Variants in SRPK2 observed in about 807,000 individuals in gnomAD.
The protein encoded by SRPK2 is SRSF protein kinase 2, also known as SFRS protein kinase 2.
In SRPK2, 21 loss-of-function variants were observed where a neutral mutation model predicts 90.8. The ratio of observed to expected loss-of-function variants is 0.23; its 90% CI spans 0.16 to 0.33. The LOEUF (loss-of-function observed/expected upper bound fraction) is 0.33. Among genes scored for constraint, SRPK2 ranks in the 10% least tolerant of loss-of-function variants. SRPK2 has a pLI of 1.00. For synonymous variants in SRPK2, 288 were observed against 311.1 expected, an observed-to-expected ratio of 0.93 and a Z score of 0.78; for missense variants, 620 against 869.0, an observed-to-expected ratio of 0.71 and a Z score of 3.60.
chr7:105,218,903 G>GA (rs144923730), intron 2 of SRPK2, among the ~76,000 whole-genome samples: 61,574 of 150,630 alleles, frequency 0.41, 14,384 homozygotes, highest in Non-Finnish European at 0.52. Flanking sequence ...ACAAATAAAA[G>GA]AAAAAAAATC....
intron 2 of SRPK2, among the ~76,000 whole-genome samples, chr7:105,371,234 T>A (rs1325694172): frequency 2.7e-5 from 4 of 149,410 alleles, no homozygotes; most frequent in Non-Finnish European, 4.4e-5. Flanking sequence ...CAAAACCCCA[T>A]CTCTACGAAA....
intron 3 of SRPK2, among the ~76,000 whole-genome samples, chr7:105,170,955 GAA>G (rs746961146): frequency 1.1e-4 from 4 of 35,434 alleles, no homozygotes; most frequent in Non-Finnish European, 2.3e-4. Flanking sequence ...AAGAAAGAAA[GAA>G]AGAAAGAAAG....
intron 2 of SRPK2, among the ~76,000 whole-genome samples, chr7:105,334,169 T>C (rs1814780508): frequency 6.6e-6 from 1 of 152,080 alleles, no homozygotes; most frequent in Non-Finnish European, 1.5e-5. Context: ...ATAACCTCCA[T>C]CTACTGGGTT....
At chr7:105,245,913 G>A (rs1801596936) in intron 2 of SRPK2, among the ~76,000 whole-genome samples, 2 of 152,106 alleles carry the variant, frequency 1.3e-5, no homozygotes, top group African/African-American at 4.8e-5. Flanking sequence ...AAATAGCAGA[G>A]TGACAAAATG....
At chr7:105,361,230 A>T (rs1266862094) in intron 2 of SRPK2, among the ~76,000 whole-genome samples, 3 of 152,154 alleles carry the variant, frequency 2.0e-5, no homozygotes, top group Non-Finnish European at 4.4e-5. Flanking sequence ...CACAATTGCT[A>T]CAAAGAGAAT....
chr7:105,178,242 G>A (rs983918784), intron 3 of SRPK2, among the ~76,000 whole-genome samples: 4 of 151,870 alleles, frequency 2.6e-5, no homozygotes, highest in African/African-American at 9.7e-5. Context: ...TATAAAAAAA[G>A]CATCAAGACT....
chr7:105,266,328 T>C (rs920958385), intron 2 of SRPK2, among the ~76,000 whole-genome samples: 1 of 152,168 alleles, frequency 6.6e-6, no homozygotes, highest in African/African-American at 2.4e-5. Flanking sequence ...GCAATTCTTT[T>C]AAAAGGATAA....
intron 11 of SRPK2, among the ~76,000 whole-genome samples, chr7:105,138,436 T>C (rs917351557): frequency 6.6e-6 from 1 of 152,160 alleles, no homozygotes; most frequent in African/African-American, 2.4e-5. Flanking sequence ...TTGGATCATA[T>C]CCTAGATCAG....
At chr7:105,312,752 T>C (rs1034286383) in intron 2 of SRPK2, among the ~76,000 whole-genome samples, 6 of 152,340 alleles carry the variant, frequency 3.9e-5, no homozygotes, top group Admixed American at 3.9e-4. Context: ...GCATGCATCC[T>C]GACTTTCCCT....
intron 2 of SRPK2, among the ~76,000 whole-genome samples, chr7:105,252,736 C>CTTTTTT (rs796434008): frequency 2.4e-5 from 3 of 126,804 alleles, no homozygotes; most frequent in Non-Finnish European, 1.6e-5. Context: ...TCTTTCTTTT[C>CTTTTTT]TTTTTTTTTT....
At chr7:105,283,461 A>T (rs1172471767) in intron 2 of SRPK2, among the ~76,000 whole-genome samples, 2 of 152,236 alleles carry the variant, frequency 1.3e-5, no homozygotes, top group East Asian at 3.8e-4. Context: ...GTACTAATAC[A>T]TGCTACCGTA....
At chr7:105,281,552 T>A (rs1172836764) in intron 2 of SRPK2, among the ~76,000 whole-genome samples, 3 of 152,066 alleles carry the variant, frequency 2.0e-5, no homozygotes, top group Admixed American at 1.3e-4. Flanking sequence ...ACGTGGAGAC[T>A]GAGGCAGGAG....
In SRPK2 at chr7:105,170,859, GAAA is replaced by G. The variant is rs1790823744; in HGVS notation, c.230-1597_230-1595del. Among the ~76,000 whole-genome samples the G allele has an allele frequency of 1.3e-3, 73 of 55,736 alleles. 2 individuals are homozygous for G. The highest frequency in any genetic ancestry group is 3.6e-3 in the African/African-American group (65 of 18,006). The allele number at this position is 55,736 out of a possible 152,430, so 36.6% of individuals were successfully genotyped here. On this transcript the variant is annotated intron_variant, in intron 3 of 15. Transcript: ENST00000393651. ...AGGAAGAAAGAAAGAAAGAAAGAAA[GAAA>G]GAAAGAAAGAAAGAAAGAAAGAAAG...
At chr7:105,118,090 C>T (rs1799815452) in intron 15 of SRPK2, 68 bp from the exon 16 acceptor site, 22 of 1,563,542 alleles carry the variant, frequency 1.4e-5, no homozygotes, top group Non-Finnish European at 1.9e-5. Context: ...TTGGTCCAGT[C>T]AGGTTCTTTT....
intron 2 of SRPK2, among the ~76,000 whole-genome samples, chr7:105,254,146 T>C (rs990819372): frequency 5.3e-5 from 8 of 152,236 alleles, no homozygotes; most frequent in Non-Finnish European, 8.8e-5. Flanking sequence ...TTTTACCTCG[T>C]TACAGCTGAT....
intron 2 of SRPK2, among the ~76,000 whole-genome samples, chr7:105,325,318 G>A (rs1177518752): frequency 3.9e-5 from 6 of 152,018 alleles, no homozygotes; most frequent in African/African-American, 4.8e-5. Flanking sequence ...TGTCACAAGC[G>A]ATTATTACAT....
chr7:105,159,464 A>AAAAAAAAAC (rs1807168405), intron 7 of SRPK2, among the ~76,000 whole-genome samples: 1 of 141,680 alleles, frequency 7.1e-6, no homozygotes, highest in African/African-American at 2.9e-5. Context: ...AAAAAAAAAA[A>AAAAAAAAAC]AAAAAAAAAC....
intron 2 of SRPK2, among the ~76,000 whole-genome samples, chr7:105,349,042 AGGCAGAG>A (rs1052279895): frequency 1.3e-5 from 2 of 151,638 alleles, no homozygotes; most frequent in African/African-American, 4.8e-5. Context: ...GCTACTTGGA[AGGCAGAG>A]GCAGGAGAAT....
chr7:105,177,710 T>C (rs1332439874), intron 3 of SRPK2, among the ~76,000 whole-genome samples: 1 of 151,758 alleles, frequency 6.6e-6, no homozygotes, highest in Non-Finnish European at 1.5e-5. Context: ...AAACTGCTCT[T>C]AAAAAAACAA....
Sources: gnomAD v4.1 joint callset for allele counts (sites outside exome capture counted in the v4.1 genomes callset) on GRCh38, gnomAD v4.1.1 for gene constraint, MANE v1.5 for transcripts, NCBI Gene and HGNC (gene_info 2026-07-23, HGNC 2026-07-21) for gene names.